Variants in EFNA5 observed in about 807,000 individuals in gnomAD.
EFNA5 encodes ephrin A5.
A neutral mutation model predicts 22.9 loss-of-function variants in EFNA5; 5 were observed. That is an observed-to-expected ratio of 0.22 (90% CI 0.11 to 0.46). The LOEUF (loss-of-function observed/expected upper bound fraction) is 0.46, where lower values mean the gene tolerates loss of function less well. Among genes scored for constraint, EFNA5 ranks in the 20% least tolerant of loss-of-function variants. The pLI is 0.99. For missense variants in EFNA5, 237 were observed against 293.3 expected (o/e 0.81, Z 1.40); for synonymous variants, 113 against 112.2 (o/e 1.01, Z -0.04).
At chr5:107,473,009 G>A (rs1208526348) in intron 1 of EFNA5, among the ~76,000 whole-genome samples, 1 of 152,150 alleles carries the variant, frequency 6.6e-6, no homozygotes, top group Non-Finnish European at 1.5e-5. Context: ...CCCAGCACCT[G>A]CTTGAACTCT....
chr5:107,461,202 C>A (rs1307647602), intron 1 of EFNA5, among the ~76,000 whole-genome samples: 1 of 152,042 alleles, frequency 6.6e-6, no homozygotes, highest in East Asian at 1.9e-4. Context: ...AGCAAAAGAA[C>A]AAAGATTAAG....
At position 107,476,046 on chromosome 5, in the gene EFNA5, C is replaced by CCATATATATATATATATATATATA. The variant is rs1554061606; in HGVS notation, c.126-48538_126-48537insTATATATATATATATATATATATG. Among the ~76,000 whole-genome samples, 455 of 31,278 alleles carry CCATATATATATATATATATATATA rather than the reference C, an allele frequency of 0.015. 52 individuals carry two copies. In the African/African-American group the frequency reaches 0.15, roughly 10 times the overall value. 20.5% of individuals were successfully genotyped at this position (31,278 alleles called of 152,430 possible). A position where few individuals can be genotyped will look rare whatever the true frequency, so the allele number is the denominator to read the frequency against. On this transcript the variant is annotated intron_variant, in intron 1 of 4. Transcript: ENST00000333274. ...CCAAGGTGGCTTGAGAGTTTTTAAA[C>CCATATATATATATATATATATATA]TATATATATATTTTTTTTTTTTGAG...
In EFNA5 at chr5:107,591,991, A is replaced by T. The variant is rs866373278; in HGVS notation, c.125+78498T>A. ...TAATATATATAATATATAATATATA[A>T]TATATATAATATATAATATATATAA... On this transcript the variant is annotated intron_variant, in intron 1 of 4. Coordinates refer to ENST00000333274, the MANE Select transcript of EFNA5 (RefSeq NM_001962.3). 5.3e-4 allele frequency among the ~76,000 whole-genome samples: 20 copies of T among 37,764 alleles called. 2 individuals carry two copies. The highest frequency in any genetic ancestry group is 1.9e-3 in the African/African-American group (9 of 4,726). 24.8% of individuals were successfully genotyped at this position (37,764 alleles called of 152,430 possible).
At chr5:107,461,629 G>A (rs981121821) in intron 1 of EFNA5, among the ~76,000 whole-genome samples, 11 of 152,124 alleles carry the variant, frequency 7.2e-5, no homozygotes, top group Non-Finnish European at 1.6e-4. Flanking sequence ...ATGCAGCATT[G>A]CTTCTGTAGG....
At chr5:107,638,297 A>G (rs1750429637) in intron 1 of EFNA5, among the ~76,000 whole-genome samples, 1 of 151,694 alleles carries the variant, frequency 6.6e-6, no homozygotes. Flanking sequence ...AGGCTAAAAA[A>G]GTAGAACTCA....
At chr5:107,645,487 TG>T (rs1750613670) in intron 1 of EFNA5, among the ~76,000 whole-genome samples, 2 of 152,200 alleles carry the variant, frequency 1.3e-5, no homozygotes, top group African/African-American at 4.8e-5. Flanking sequence ...TGTATAAGAG[TG>T]TTTTTAGTGC....
chr5:107,387,572 T>C, intron 3 of EFNA5, 134 bp downstream of exon 3: 1 of 699,056 alleles, frequency 1.4e-6, no homozygotes, highest in Non-Finnish European at 2.5e-6. Context: ...AAAACTAAAA[T>C]ATGAATGTTG....
At chr5:107,611,204 G>A (rs1749814543) in intron 1 of EFNA5, among the ~76,000 whole-genome samples, 1 of 151,822 alleles carries the variant, frequency 6.6e-6, no homozygotes, top group African/African-American at 2.4e-5. Context: ...CAAAAATAAT[G>A]ACATAAAAAC....
At chr5:107,413,393 T>A (rs1748421139) in intron 2 of EFNA5, among the ~76,000 whole-genome samples, 1 of 152,084 alleles carries the variant, frequency 6.6e-6, no homozygotes, top group Non-Finnish European at 1.5e-5. Flanking sequence ...TCCATTTTCA[T>A]CAGACTCTAA....
intron 1 of EFNA5, among the ~76,000 whole-genome samples, chr5:107,667,806 T>G (rs1253428673): frequency 1.3e-5 from 2 of 152,212 alleles, no homozygotes; most frequent in African/African-American, 4.8e-5. Context: ...CATGGCTAGC[T>G]TACTTTATGA....
intron 1 of EFNA5, among the ~76,000 whole-genome samples, chr5:107,507,994 A>G (rs1383917553): frequency 6.6e-6 from 1 of 152,174 alleles, no homozygotes; most frequent in East Asian, 1.9e-4. Flanking sequence ...ATTAAAGGAT[A>G]AGAATCTGAA....
chr5:107,658,292 T>TGGGAG (rs1750871645), intron 1 of EFNA5, among the ~76,000 whole-genome samples: 1 of 152,186 alleles, frequency 6.6e-6, no homozygotes, highest in African/African-American at 2.4e-5. Context: ...AAATACATCT[T>TGGGAG]GGGAGGGTTT....
chr5:107,641,058 T>C (rs1038209875), intron 1 of EFNA5, among the ~76,000 whole-genome samples: 2 of 151,536 alleles, frequency 1.3e-5, no homozygotes, highest in Non-Finnish European at 2.9e-5. Flanking sequence ...ATAGAATGTA[T>C]GGATATGATT....
chr5:107,640,637 A>G, intron 1 of EFNA5, among the ~76,000 whole-genome samples: 1 of 152,252 alleles, frequency 6.6e-6, no homozygotes, highest in Admixed American at 6.5e-5. Context: ...GAGATCATTC[A>G]GCTTCACCAG....
intron 1 of EFNA5, among the ~76,000 whole-genome samples, chr5:107,609,212 C>G (rs542294167): frequency 6.6e-6 from 1 of 152,192 alleles, no homozygotes; most frequent in African/African-American, 2.4e-5. Context: ...TCTAATAAAA[C>G]GCACTTGGTT....
At chr5:107,486,288 C>T (rs913320777) in intron 1 of EFNA5, among the ~76,000 whole-genome samples, 1 of 152,162 alleles carries the variant, frequency 6.6e-6, no homozygotes, top group African/African-American at 2.4e-5. Flanking sequence ...TTCACAGGCA[C>T]TTATTTAGCC....
At chr5:107,445,900 AACTTTATCTTCATTTTTCAG>A (rs1390643036) in intron 1 of EFNA5, among the ~76,000 whole-genome samples, 9 of 152,202 alleles carry the variant, frequency 5.9e-5, no homozygotes, top group Non-Finnish European at 1.2e-4. Flanking sequence ...AAGATGTTTC[AACTTTATCTTCATTTTTCAG>A]ACTTTATAGA....
rs1580441863 is a variant in EFNA5, at chr5:107,423,464, T to A, written c.418+3753A>T. Among the ~76,000 whole-genome samples, 4 of 151,384 alleles carry A rather than the reference T, an allele frequency of 2.6e-5. No individual in the cohort carries two copies. The South Asian group carries it at 8.4e-4, about 32-fold the overall frequency. On this transcript the variant is annotated intron_variant, in intron 2 of 4. Transcript: ENST00000333274. ...GCTATGTTGCCCAGGCTGGTCTTGATTTTTTTGGCTCAAACAATCCTCCTA... is the reference window on the plus strand; with the variant it reads ...GCTATGTTGCCCAGGCTGGTCTTGAATTTTTTGGCTCAAACAATCCTCCTA...
intron 2 of EFNA5, among the ~76,000 whole-genome samples, chr5:107,405,063 G>A (rs926913108): frequency 6.6e-6 from 1 of 152,180 alleles, no homozygotes; most frequent in Non-Finnish European, 1.5e-5. Flanking sequence ...CACTATGGCA[G>A]GAGGAAACAG....
Sources: gnomAD v4.1 joint callset for allele counts (sites outside exome capture counted in the v4.1 genomes callset) on GRCh38, gnomAD v4.1.1 for gene constraint, MANE v1.5 for transcripts, NCBI Gene and HGNC (gene_info 2026-07-23, HGNC 2026-07-21) for gene names.